FOXP3: variants seen among roughly 807,000 people sequenced by gnomAD.
FOXP3 encodes forkhead box protein P3.
Under a neutral mutation model 31.2 loss-of-function variants are expected in FOXP3, and 5 were observed. The ratio of observed to expected loss-of-function variants is 0.16; its 90% CI spans 0.08 to 0.34. The LOEUF is 0.34. Among genes scored for constraint, FOXP3 ranks in the 10% least tolerant of loss-of-function variants. The pLI is 1.00. For synonymous variants in FOXP3, 141 were observed against 148.8 expected (o/e 0.95, Z 0.38); for missense variants, 251 against 363.0 (o/e 0.69, Z 2.51).
chrX:49,256,875 CAG>C lies in FOXP3; in HGVS notation c.543-22_543-21del. 1 of 1,207,516 alleles carries C rather than the reference CAG, an allele frequency of 8.3e-7. No homozygotes were observed. The highest frequency in any genetic ancestry group is 1.1e-6 in the Non-Finnish European group (1 of 891,372). On this transcript the variant is annotated intron_variant, in intron 5 of 11. Transcript: ENST00000376207. ...AGGGTGCTGGGGGGACAGAGGGTGT[CAG>C]GGGAGGGGATAGGAGGGCGAGGATC...
At chrX:49,255,546 C>T in intron 7 of FOXP3, 37 bp from the exon 8 acceptor site, 1 of 1,152,331 alleles carries the variant, frequency 8.7e-7, no homozygotes, top group South Asian at 1.9e-5. Flanking sequence ...TCAGCCTGGC[C>T]CTTCTCTGCC....
intron 1 of FOXP3, among the ~76,000 whole-genome samples, chrX:49,260,418 T>C (rs1164330571): frequency 8.9e-6 from 1 of 112,342 alleles, no homozygotes; most frequent in African/African-American, 3.2e-5. Context: ...CTAATACCGA[T>C]TTCGGTGCAA....
In FOXP3 at chrX:49,254,048, G is replaced by A. The variant is rs781902347; in HGVS notation, c.836C>T (p.Ser279Phe). The A allele has an allele frequency of 8.3e-6, 10 of 1,208,648 alleles. No homozygotes were observed. In the South Asian group the frequency reaches 1.1e-4, roughly 13 times the overall value. ...ASSVASSDKG[S>F]CCIVAAGSQG... ...GCTGCCAGCAGCTACGATGCAGCAGGAGCCCTTGTCGGATGATGCCTGGGT... is the reference window on the plus strand; with the variant it reads ...GCTGCCAGCAGCTACGATGCAGCAGAAGCCCTTGTCGGATGATGCCTGGGT... Residue 279 changes from serine to phenylalanine, a missense_variant, in exon 9 of 12, where the codon TCC (serine) becomes TTC (phenylalanine). Coordinates refer to ENST00000376207, the MANE Select transcript of FOXP3 (RefSeq NM_014009.4).
Position 49,251,306 on chromosome X carries a change from G to A in FOXP3, c.*28C>T. ...CCTCCCACCAGTTTGGCCCCTGTTC[G>A]TCCATCCTCCTTTCCTTGATCTTGA... On this transcript the variant is annotated 3_prime_UTR_variant, in exon 12 of 12. Transcript: ENST00000376207. 5.8e-6 allele frequency: 7 copies of A among 1,201,917 alleles called. No homozygotes were observed. Among genetic ancestry groups the A allele is most frequent in the Middle Eastern group, 2.8e-4 (1 of 3,517 alleles).
intron 1 of FOXP3, among the ~76,000 whole-genome samples, chrX:49,264,175 C>T (rs957177609): frequency 1.1e-4 from 12 of 110,261 alleles, no homozygotes; most frequent in Admixed American, 8.7e-4. Flanking sequence ...AGGAGAGATG[C>T]GGGGAAAGAG....
rs1262798699 is a variant in FOXP3 at position 49,258,098 on chromosome X, C to T, written c.210+198G>A. 5.4e-5 allele frequency among the ~76,000 whole-genome samples: 6 copies of T among 111,736 alleles called. No individual in the cohort carries two copies. The Admixed American group carries it at 5.7e-4, about 11-fold the overall frequency. ...CAGGGATTGGGAGGTCGGGGAGAGC[C>T]TCCAATCTCTGAGGCCTGGCAGGTG... On this transcript the variant is annotated intron_variant, in intron 2 of 11. Transcript: ENST00000376207.
chrX:49,251,009 C>A lies in FOXP3; in HGVS notation c.*325G>T. 2.8e-6 allele frequency: 1 copy of A among 353,173 alleles called. No individual in the cohort carries two copies. The highest frequency in any genetic ancestry group is 5.0e-6 in the Non-Finnish European group (1 of 200,983). 29.1% of individuals were successfully genotyped at this position (353,173 alleles called of 1,213,427 possible). A position where few individuals can be genotyped will look rare whatever the true frequency, so the allele number is the denominator to read the frequency against. On this transcript the variant is annotated 3_prime_UTR_variant, in exon 12 of 12. Transcript: ENST00000376207. The stretch of plus-strand genomic sequence containing the variant: ...GTGACTTTTCCAGCCCTGAAGTAAT[C>A]TGTGCGAGCAGCTGAGGCAGGCTCT...
At position 49,258,366 on chromosome X, in the gene FOXP3, C is replaced by A. The variant is rs1432262933; in HGVS notation, c.140G>T (p.Gly47Val). The A allele has an allele frequency of 1.2e-5, 14 of 1,166,373 alleles. No homozygotes were observed. Among genetic ancestry groups the A allele is most frequent in the Non-Finnish European group, 1.6e-5 (14 of 872,381 alleles). The change falls in exon 2 of 12, where the codon GGC becomes GTC. Residue 47 changes from glycine to valine, a missense_variant. By Grantham distance (109) the Gly-to-Val change is moderately radical. Around this residue, in one of 4 missense-constraint regions of FOXP3, gnomAD observed 152 missense variants for 188.1 expected, o/e 0.81. Transcript: ENST00000376207. The stretch of plus-strand genomic sequence containing the variant: ...ATGGGCCCCGCCTCGAAGATCTCGG[C>A]CCTGGAAGGTTCCCCCTGGGCCCCG... The part of the protein sequence containing the change: ...GARGPGGTFQ[G>V]RDLRGGAHAS...
intron 3 of FOXP3, 29 bp downstream of exon 3, chrX:49,257,635 C>T (rs782587759): frequency 1.1e-5 from 13 of 1,180,103 alleles, no homozygotes; most frequent in Admixed American, 4.9e-5. Flanking sequence ...CCACCTGCTC[C>T]CTCCTCCCTG....
intron 10 of FOXP3, among the ~76,000 whole-genome samples, 196 bp downstream of exon 10, chrX:49,252,930 G>A (rs1204633380): frequency 9.1e-6 from 1 of 109,986 alleles, no homozygotes; most frequent in African/African-American, 3.3e-5. Context: ...GTTTAGGTTT[G>A]GATTTGCGGA....
rs374109896 is a variant in FOXP3 at position 49,256,767 on chromosome X, G to C, written c.631C>G (p.Pro211Ala). The part of the protein sequence containing the change: ...WPGCEKVFEE[P>A]EDFLKHCQAD... ...GCCACTCACTTGAGGAAGTCCTCTG[G>C]CTCTTCGAAGACCTTCTCACATCCG... Residue 211 changes from proline (P) to alanine (A), a missense_variant, in exon 6 of 12, where the codon CCA becomes GCA. Coordinates refer to ENST00000376207, the MANE Select transcript of FOXP3 (RefSeq NM_014009.4). 1.5e-5 allele frequency: 18 copies of C among 1,210,184 alleles called. No homozygotes were observed. The highest frequency in any genetic ancestry group is 1.2e-5 in the Non-Finnish European group (11 of 894,775).
rs1557116445 is a variant in FOXP3, at chrX:49,256,878, G to C, written c.543-23C>G. The C allele has an allele frequency of 4.1e-6, 5 of 1,207,577 alleles. No homozygotes were observed. In the South Asian group the frequency reaches 8.8e-5, roughly 21 times the overall value. ...GTGCTGGGGGGACAGAGGGTGTCAG[G>C]GGAGGGGATAGGAGGGCGAGGATCC... On this transcript the variant is annotated intron_variant, in intron 5 of 11. Coordinates refer to ENST00000376207, the MANE Select transcript of FOXP3 (RefSeq NM_014009.4).
chrX:49,258,668 C>T (rs1186928233), intron 1 of FOXP3, 141 bp from the exon 2 acceptor site: 1 of 412,522 alleles, frequency 2.4e-6, no homozygotes, highest in Non-Finnish European at 4.1e-6. Flanking sequence ...AGTTGCACCC[C>T]AGCTCTAGAC....
intron 6 of FOXP3, among the ~76,000 whole-genome samples, chrX:49,256,207 T>TGA (rs1351260650): frequency 6.0e-5 from 5 of 82,791 alleles, no homozygotes; most frequent in African/African-American, 2.2e-4. Flanking sequence ...TGTGTGTGTG[T>TGA]GAGAGAGAGA....
intron 1 of FOXP3, among the ~76,000 whole-genome samples, chrX:49,262,298 C>T (rs2066115285): frequency 8.9e-6 from 1 of 112,481 alleles, no homozygotes; most frequent in South Asian, 3.7e-4. Flanking sequence ...CAACAATCAG[C>T]AAAACAGTGT....
rs970316470 is a variant in FOXP3 at position 49,254,514 on chromosome X, G to C, written c.817-447C>G. On this transcript the variant is annotated intron_variant, in intron 8 of 11. Transcript: ENST00000376207. ...GTCTGAGGTGGAATCCCACAAAACA[G>C]CATGAGCCGTATTTATTAGAGCACA... is the stretch of plus-strand genomic sequence containing the variant. Among the ~76,000 whole-genome samples the C allele has an allele frequency of 2.7e-5, 3 of 111,926 alleles. No homozygotes were observed. The Admixed American group carries it at 2.8e-4, about 11-fold the overall frequency.
In FOXP3 at chrX:49,257,765, G is replaced by A; in HGVS notation, c.214C>T (p.Pro72Ser). 1 of 1,166,251 alleles carries A rather than the reference G, an allele frequency of 8.6e-7. No individual in the cohort carries two copies. The highest frequency in any genetic ancestry group is 1.1e-6 in the Non-Finnish European group (1 of 870,507). Residue 72 changes from proline to serine, a missense_variant, in exon 3 of 12, where the codon CCC (proline) becomes TCC (serine). Physicochemically the swap from Pro to Ser is moderately conservative, Grantham distance 74. This residue lies in a region of FOXP3 where 152 missense variants were observed against 188.1 expected (regional missense o/e 0.81). Coordinates refer to ENST00000376207, the MANE Select transcript of FOXP3 (RefSeq NM_014009.4). Reference sequence around the variant, plus strand: ...GCCACCATGACTAGGGGCAGTGTGGGCAGCTGGGCAGAAAGGCAGGTGGGT... The same window carrying A: ...GCCACCATGACTAGGGGCAGTGTGGACAGCTGGGCAGAAAGGCAGGTGGGT... ...NPMPPSQLQL[P>S]TLPLVMVAPS...
rs74966622 is a variant in FOXP3 at position 49,255,699 on chromosome X, A to C, written c.735+16T>G. Reference sequence around the variant, plus strand: ...GCACTATCCCTATCCCTTACCCTCCACCGCCCTGGCATTACCTGCTGCTCC... The same window carrying C: ...GCACTATCCCTATCCCTTACCCTCCCCCGCCCTGGCATTACCTGCTGCTCC... On this transcript the variant is annotated intron_variant, in intron 7 of 11. Transcript: ENST00000376207. 1 of 1,200,466 alleles carries C rather than the reference A, an allele frequency of 8.3e-7. No individual in the cohort carries two copies. Among genetic ancestry groups the C allele is most frequent in the Non-Finnish European group, 1.1e-6 (1 of 888,647 alleles).
At chrX:49,256,231 AGAGAGAG>A (rs2066071042) in intron 6 of FOXP3, among the ~76,000 whole-genome samples, 1 of 23,400 alleles carries the variant, frequency 4.3e-5, no homozygotes, top group Admixed American at 3.8e-4. Flanking sequence ...AGAGAGAGAG[AGAGAGAG>A]AGAGAGAGAG....
Sources: allele counts gnomAD v4.1 joint callset (sites outside exome capture counted in the v4.1 genomes callset), GRCh38; gene constraint gnomAD v4.1.1; regional missense constraint gnomAD v4.1.1; transcripts MANE v1.5; gene names NCBI Gene and HGNC (gene_info 2026-07-23, HGNC 2026-07-21).